The following ZNF718 variants were observed in gnomAD, a reference collection of about 807,000 sequenced individuals.
ZNF718 encodes the protein zinc finger protein 718.
ZNF718 carries 3 observed loss-of-function variants against 2.6 expected under a neutral mutation model. That is an observed-to-expected ratio of 1.16 (90% CI 0.53 to 3.01). The LOEUF (loss-of-function observed/expected upper bound fraction) is 3.01. Among genes scored for constraint, ZNF718 ranks in the 30% most tolerant of loss-of-function variants. ZNF718 has a pLI of 0.03. For missense variants in ZNF718, 468 were observed against 230.0 expected (o/e 2.03, Z -6.69); for synonymous variants, 135 against 77.9 (o/e 1.73, Z -3.86).
downstream of ZNF718, among the ~76,000 whole-genome samples, chr4:167,269 C>T (rs1175502532): frequency 5.3e-5 from 8 of 152,008 alleles, no homozygotes; most frequent in Non-Finnish European, 7.4e-5. Context: ...TAGTATAGTT[C>T]GAAGCCAGGT....
chr4:182,173 G>T (rs993737336), intron 3 of ZNF718, among the ~76,000 whole-genome samples: 2 of 152,118 alleles, frequency 1.3e-5, no homozygotes, highest in African/African-American at 4.8e-5. Flanking sequence ...TCCTTTAGGT[G>T]TATACCCAGT....
chr4:188,124 T>C (rs547883770), intron 3 of ZNF718, among the ~76,000 whole-genome samples: 1 of 152,160 alleles, frequency 6.6e-6, no homozygotes, highest in Non-Finnish European at 1.5e-5. Flanking sequence ...ACAGCTAAGG[T>C]AGCAGCCCAT....
At position 160,208 on chromosome 4, in the gene ZNF718, G is replaced by A. The variant is rs548962921; in HGVS notation, c.227-704G>A. Among the ~76,000 whole-genome samples, 10 of 152,284 alleles carry A rather than the reference G, an allele frequency of 6.6e-5. No homozygotes were observed. The East Asian group carries it at 1.5e-3, about 24-fold the overall frequency. ...TTCCAAAAACCAGAAGTAGGAATGC[G>A]TGTGTCACTATTTTTCCTCTAAGAA... On this transcript the variant is annotated intron_variant, in intron 3 of 3. Coordinates refer to ENST00000510175, the MANE Select transcript of ZNF718 (RefSeq NM_001039127.6).
In ZNF718 at chr4:124,511, T is replaced by C; in HGVS notation, c.-160T>C. The C allele has an allele frequency of 9.8e-7, 1 of 1,023,612 alleles. No individual in the cohort carries two copies. The highest frequency in any genetic ancestry group is 2.6e-5 in the East Asian group (1 of 38,974). The allele number at this position is 1,023,612 out of a possible 1,614,324, so 63.4% of individuals were successfully genotyped here. The stretch of plus-strand genomic sequence containing the variant: ...TCCGGGATCTGGCGCGGCTTTTGCT[T>C]GTAGCTCCAGCCAGAGCTCGGTTAG... On this transcript the variant is annotated 5_prime_UTR_variant, in exon 1 of 4. Transcript: ENST00000510175.
At chr4:174,600 C>T (rs1432682514) in intron 3 of ZNF718, among the ~76,000 whole-genome samples, 1 of 152,160 alleles carries the variant, frequency 6.6e-6, no homozygotes, top group African/African-American at 2.4e-5. Flanking sequence ...GCCTGTTCAG[C>T]AACAAGAAAC....
At chr4:184,440 G>A (rs1325825777) in intron 3 of ZNF718, among the ~76,000 whole-genome samples, 1 of 152,120 alleles carries the variant, frequency 6.6e-6, no homozygotes, top group African/African-American at 2.4e-5. Flanking sequence ...TTGCATCCAT[G>A]TTTATCAATA....
rs6599312 is a variant in ZNF718, at chr4:200,916, A to T, written c.227-165A>T. Among the ~76,000 whole-genome samples the T allele has an allele frequency of 2.3e-3, 354 of 152,338 alleles. 3 individuals are homozygous for T. The highest frequency in any genetic ancestry group is 7.9e-3 in the African/African-American group (327 of 41,570). On this transcript the variant is annotated intron_variant and NMD_transcript_variant, in intron 3 of 4. Transcript: ENST00000642529. ...ATCCCATGTCTCATGCAATGCCTAAAAAGTGCTCTTAATTGGATATACAAG... is the reference window on the plus strand; with the variant it reads ...ATCCCATGTCTCATGCAATGCCTAATAAGTGCTCTTAATTGGATATACAAG...
Position 131,497 on chromosome 4 carries a change from G to T in ZNF718, c.218G>T (p.Arg73Ile). The change falls in exon 3 of 4, where the codon AGA becomes ATA. Residue 73 changes from arginine to isoleucine, a missense_variant. Coordinates refer to ENST00000510175, the MANE Select transcript of ZNF718 (RefSeq NM_001039127.6). ...YNLKIHETAA[R>I]PPAVCSHFTQ... ...TTGAAGATACATGAAACAGCAGCCA[G>T]ACCCCCAGGTAGGTGAGAGTGAATG... is the stretch of plus-strand genomic sequence containing the variant. 1 of 466,128 alleles carries T rather than the reference G, an allele frequency of 2.1e-6. No individual in the cohort carries two copies. The highest frequency in any genetic ancestry group is 3.9e-5 in the South Asian group (1 of 25,556). The allele number at this position is 466,128 out of a possible 1,614,324, so 28.9% of individuals were successfully genotyped here.
In ZNF718 at chr4:135,861, A is replaced by G. The variant is rs1430706935; in HGVS notation, c.226+4356A>G. Among the ~76,000 whole-genome samples the G allele has an allele frequency of 2.6e-5, 4 of 151,646 alleles. No individual in the cohort carries two copies. In the South Asian group the frequency reaches 8.3e-4, roughly 32 times the overall value. On this transcript the variant is annotated intron_variant, in intron 3 of 3. Transcript: ENST00000510175. Reference sequence around the variant, plus strand: ...TACAAATTTTTAGTAATATGTTAAGATAGAAGCTGTGGCCCTGGAGGCAGG... The same window carrying G: ...TACAAATTTTTAGTAATATGTTAAGGTAGAAGCTGTGGCCCTGGAGGCAGG...
chr4:167,368 T>A (rs188604500), downstream of ZNF718, among the ~76,000 whole-genome samples: 31 of 152,258 alleles, frequency 2.0e-4, no homozygotes, highest in Admixed American at 1.8e-3. Flanking sequence ...TTAAAGTAGT[T>A]TTTTCCAATT....
At chr4:193,905 G>A (rs1269053411) in intron 3 of ZNF718, among the ~76,000 whole-genome samples, 1 of 152,176 alleles carries the variant, frequency 6.6e-6, no homozygotes, top group African/African-American at 2.4e-5. Flanking sequence ...ATGGACAAGG[G>A]GGTGGATTAT....
exon 5 of ZNF718, chr4:201,802 G>T: frequency 5.1e-6 from 1 of 195,206 alleles, no homozygotes. Context: ...TTCCTGGGAA[G>T]AGATTCAGCA....
At chr4:170,903 T>G (rs1717210777) in intron 3 of ZNF718, among the ~76,000 whole-genome samples, 1 of 152,206 alleles carries the variant, frequency 6.6e-6, no homozygotes, top group East Asian at 1.9e-4. Context: ...GCTGCGTTCC[T>G]TTGGAGGGCA....
chr4:199,396 C>T (rs149186002), intron 3 of ZNF718, among the ~76,000 whole-genome samples: 6 of 152,128 alleles, frequency 3.9e-5, no homozygotes, highest in African/African-American at 1.4e-4. Flanking sequence ...GCATCCTAAC[C>T]CAGAGAGATG....
At chr4:149,066 A>G (rs1413144853) in intron 3 of ZNF718, among the ~76,000 whole-genome samples, 1 of 152,056 alleles carries the variant, frequency 6.6e-6, no homozygotes, top group African/African-American at 2.4e-5. Context: ...TAACTGCTGT[A>G]TTTTCATAAC....
At position 129,359 on chromosome 4, in the gene ZNF718, C is replaced by T; in HGVS notation, c.4-1429C>T. ...ACTTACGGGCATAGAGAGCAGATGC[C>T]TAGGGCCCACCTTCTGTCCCAGTTC... On this transcript the variant is annotated intron_variant, in intron 1 of 3. Coordinates refer to ENST00000510175, the MANE Select transcript of ZNF718 (RefSeq NM_001039127.6). 1.9e-5 allele frequency among the ~76,000 whole-genome samples: 2 copies of T among 103,400 alleles called. 1 individual carries two copies. The highest frequency in any genetic ancestry group is 4.3e-5 in the Non-Finnish European group (2 of 46,528). The allele number at this position is 103,400 out of a possible 152,430, so 67.8% of individuals were successfully genotyped here.
At chr4:131,800 C>A (rs1417989074) in intron 3 of ZNF718, among the ~76,000 whole-genome samples, 2 of 93,738 alleles carry the variant, frequency 2.1e-5, no homozygotes, top group African/African-American at 7.6e-5. Flanking sequence ...CTTAAAAACA[C>A]AGGAGGCGGC....
intron 3 of ZNF718, among the ~76,000 whole-genome samples, chr4:142,287 T>C (rs1330058148): frequency 2.0e-5 from 3 of 152,198 alleles, no homozygotes; most frequent in African/African-American, 7.2e-5. Flanking sequence ...TCTACAAACA[T>C]TAAAAGTAGA....
Position 161,854 on chromosome 4 carries a change from C to G in ZNF718, c.1169C>G (p.Ser390Cys), listed in dbSNP as rs2108804414. 1 of 780,762 alleles carries G rather than the reference C, an allele frequency of 1.3e-6. No homozygotes were observed. Among genetic ancestry groups the G allele is most frequent in the South Asian group, 1.3e-5 (1 of 74,610 alleles). 48.4% of individuals were successfully genotyped at this position (780,762 alleles called of 1,614,324 possible). Residue 390 changes from serine to cysteine, a missense_variant, in exon 4 of 4, where the codon TCT becomes TGT. Transcript: ENST00000510175. ...CTTAATGTACACAAGAGAATTCACT[C>G]TGGAAAAAATCCCTACAAATGTGAA... ...STLNVHKRIH[S>C]GKNPYKCEDC... is the part of the protein sequence containing the mutation.
Sources: allele counts gnomAD v4.1 joint callset (sites outside exome capture counted in the v4.1 genomes callset), GRCh38; gene constraint gnomAD v4.1.1; transcripts MANE v1.5; gene names NCBI Gene and HGNC (gene_info 2026-07-23, HGNC 2026-07-21).